DIPK2B: variants seen among roughly 807,000 people sequenced by gnomAD.
DIPK2B encodes the protein UPF0672 protein CXorf36.
DIPK2B carries 15 observed loss-of-function variants against 22.2 expected under a neutral mutation model. The observed-to-expected ratio is 0.68, with a 90% confidence interval of 0.45 to 1.04. DIPK2B has a LOEUF of 1.04. Among genes scored for constraint, DIPK2B ranks in the 50% least tolerant of loss-of-function variants. The pLI is 0.00. For missense variants in DIPK2B, 345 were observed against 348.3 expected (o/e 0.99, Z 0.08); for synonymous variants, 163 against 153.2 (o/e 1.06, Z -0.47).
chrX:45,167,744 G>T (rs1290415335), intron 2 of DIPK2B, among the ~76,000 whole-genome samples: 1 of 110,746 alleles, frequency 9.0e-6, no homozygotes, highest in African/African-American at 3.3e-5. Flanking sequence ...GAGTGCAGTG[G>T]TGTGATCCCA....
In DIPK2B at chrX:45,151,332, A is replaced by T. The variant is rs1390062844; in HGVS notation, c.*320T>A. 1.5e-5 allele frequency: 4 copies of T among 275,025 alleles called. No individual in the cohort carries two copies. Among genetic ancestry groups the T allele is most frequent in the Non-Finnish European group, 2.5e-5 (4 of 157,845 alleles). The allele number at this position is 275,025 out of a possible 1,213,427, so 22.7% of individuals were successfully genotyped here. A position where few individuals can be genotyped will look rare whatever the true frequency, so the allele number is the denominator to read the frequency against. On this transcript the variant is annotated 3_prime_UTR_variant, in exon 5 of 5. Coordinates refer to ENST00000398000, the MANE Select transcript of DIPK2B (RefSeq NM_176819.4). Reference sequence around the variant, plus strand: ...GTCCCAAGACCCATGCTTGGGATATATGCTCAGTGGTGGCTCCATCTGTGT... The same window carrying T: ...GTCCCAAGACCCATGCTTGGGATATTTGCTCAGTGGTGGCTCCATCTGTGT...
intron 2 of DIPK2B, chrX:45,163,719 A>G: frequency 1.3e-6 from 1 of 756,646 alleles, no homozygotes; most frequent in Non-Finnish European, 1.6e-6. Context: ...AGCCAGAGAT[A>G]AGAGAGTTCA....
At chrX:45,178,560 A>G (rs1443334961) in intron 2 of DIPK2B, among the ~76,000 whole-genome samples, 1 of 111,725 alleles carries the variant, frequency 9.0e-6, no homozygotes, top group African/African-American at 3.3e-5. Flanking sequence ...TATTCACACT[A>G]TCTTTTTCCC....
intron 1 of DIPK2B, among the ~76,000 whole-genome samples, chrX:45,193,682 C>T (rs2047223926): frequency 8.9e-6 from 1 of 112,439 alleles, no homozygotes; most frequent in South Asian, 3.7e-4. Flanking sequence ...ATGCAAATTG[C>T]AATGGAAGTA....
chrX:45,169,834 C>T (rs777307263), intron 2 of DIPK2B, among the ~76,000 whole-genome samples: 1 of 112,049 alleles, frequency 8.9e-6, no homozygotes, highest in East Asian at 2.8e-4. Context: ...GAAATCATTT[C>T]AGGCAGAAGG....
intron 2 of DIPK2B, among the ~76,000 whole-genome samples, chrX:45,159,992 T>A (rs146861008): frequency 0.024 from 2,694 of 110,339 alleles, 88 homozygotes; most frequent in African/African-American, 0.084. Context: ...ATCCCCAGTG[T>A]TGGAGGTGGG....
At chrX:45,152,729 G>T (rs1210916589) in intron 4 of DIPK2B, among the ~76,000 whole-genome samples, 1 of 110,903 alleles carries the variant, frequency 9.0e-6, no homozygotes, top group African/African-American at 3.3e-5. Context: ...TCAGGAGTTC[G>T]AGACCAGCCT....
At chrX:45,169,979 C>T (rs973572400) in intron 2 of DIPK2B, among the ~76,000 whole-genome samples, 38 of 110,913 alleles carry the variant, frequency 3.4e-4, no homozygotes, top group Non-Finnish European at 7.6e-5. Flanking sequence ...CGCGGTGGCT[C>T]ACGTCTGTAA....
In DIPK2B at chrX:45,154,151, G is replaced by A. The variant is rs1488411659; in HGVS notation, c.720C>T (p.Ser240=). 7 of 1,207,755 alleles carry A rather than the reference G, an allele frequency of 5.8e-6. No individual in the cohort carries two copies. The highest frequency in any genetic ancestry group is 1.8e-5 in the African/African-American group (1 of 56,682). Reference sequence around the variant, plus strand: ...TGGTGCTGACGAGGAATCTGCCACAGGAGCCCAGGTACTTGGGCAGCGGCC... The same window carrying A: ...TGGTGCTGACGAGGAATCTGCCACAAGAGCCCAGGTACTTGGGCAGCGGCC... The part of the protein sequence containing the change: ...EGWPLPKYLG[S]CGRFLVSTST... The change falls in exon 4 of 5, where the codon TCC becomes TCT. Residue 240 remains serine (S), a synonymous_variant. Coordinates refer to ENST00000398000, the MANE Select transcript of DIPK2B (RefSeq NM_176819.4).
rs1216108305 is a variant in DIPK2B at position 45,185,683 on chromosome X, C to T, written c.498+6068G>A. On this transcript the variant is annotated intron_variant, in intron 2 of 4. Coordinates refer to ENST00000398000, the MANE Select transcript of DIPK2B (RefSeq NM_176819.4). Reference sequence around the variant, plus strand: ...TTTTTTTTTTTTTGAGATGGAGTCTCGCTCTGTTGCCCAGGCTGGAGTGCA... The same window carrying T: ...TTTTTTTTTTTTTGAGATGGAGTCTTGCTCTGTTGCCCAGGCTGGAGTGCA... Among the ~76,000 whole-genome samples, 6 of 96,331 alleles carry T rather than the reference C, an allele frequency of 6.2e-5. No homozygotes were observed. The East Asian group carries it at 1.3e-3, about 21-fold the overall frequency. The allele number at this position is 96,331 out of a possible 115,157, so 83.7% of individuals were successfully genotyped here. A position where few individuals can be genotyped will look rare whatever the true frequency, so the allele number is the denominator to read the frequency against.
chrX:45,166,744 A>G (rs774004800), intron 2 of DIPK2B, among the ~76,000 whole-genome samples: 6 of 112,386 alleles, frequency 5.3e-5, no homozygotes, highest in Non-Finnish European at 1.1e-4. Flanking sequence ...GAAAAAAAGA[A>G]CATGAACTCC....
chrX:45,174,093 C>T (rs770794474), intron 2 of DIPK2B, among the ~76,000 whole-genome samples: 62 of 111,638 alleles, frequency 5.6e-4, no homozygotes, highest in African/African-American at 1.9e-3. Context: ...CCGGAAAGGC[C>T]TGAGCTGAGA....
chrX:45,171,622 C>T (rs1209293305), intron 2 of DIPK2B, among the ~76,000 whole-genome samples: 2 of 111,762 alleles, frequency 1.8e-5, no homozygotes, highest in Non-Finnish European at 3.8e-5. Context: ...CTCACTTCCA[C>T]GTCTTTGCCC....
chrX:45,187,754 G>A (rs139811934), intron 2 of DIPK2B, among the ~76,000 whole-genome samples: 4,300 of 111,049 alleles, frequency 0.039, 87 homozygotes, highest in Non-Finnish European at 0.06. Context: ...CCCCTGAACC[G>A]GCCAGATCCC....
chrX:45,164,242 T>G lies in DIPK2B; in HGVS notation c.499-6354A>C, dbSNP rs375902907. On this transcript the variant is annotated intron_variant, in intron 2 of 4. Coordinates refer to ENST00000398000, the MANE Select transcript of DIPK2B (RefSeq NM_176819.4). ...GAACTTTAGTTCTCTCTGGCCCTGG[T>G]GACAGTCCTGAAAATTTAAAATGAT... 3 of 1,197,834 alleles carry G rather than the reference T, an allele frequency of 2.5e-6. No homozygotes were observed. The African/African-American group carries it at 5.3e-5, about 21-fold the overall frequency.
intron 2 of DIPK2B, among the ~76,000 whole-genome samples, chrX:45,188,724 A>G (rs2047196109): frequency 8.9e-6 from 1 of 112,151 alleles, no homozygotes; most frequent in Admixed American, 9.4e-5. Flanking sequence ...TCCTGTACCC[A>G]TTAAACAGTC....
chrX:45,184,174 T>A (rs1314837784), intron 2 of DIPK2B, among the ~76,000 whole-genome samples: 3 of 111,157 alleles, frequency 2.7e-5, no homozygotes, highest in Non-Finnish European at 5.7e-5. Context: ...AAGCCAGGAT[T>A]TAGGAGCTGC....
At chrX:45,155,431 A>AGT (rs34203440) in intron 3 of DIPK2B, among the ~76,000 whole-genome samples, 1 of 96,413 alleles carries the variant, frequency 1.0e-5, no homozygotes, top group African/African-American at 3.7e-5. Flanking sequence ...TCAAAAAAAA[A>AGT]ATATATATAT....
In DIPK2B at chrX:45,151,644, C is replaced by G. The variant is rs1411668495; in HGVS notation, c.*8G>C. The G allele has an allele frequency of 1.7e-6, 2 of 1,203,380 alleles. No homozygotes were observed. Among genetic ancestry groups the G allele is most frequent in the Non-Finnish European group, 1.1e-6 (1 of 889,979 alleles). ...TGTTGTCCCCAAGGCCAGCTAGACA[C>G]CAGCCCTTCAGAACTTATCGTTATA... On this transcript the variant is annotated 3_prime_UTR_variant, in exon 5 of 5. Transcript: ENST00000398000.
Sources: allele counts gnomAD v4.1 joint callset (sites outside exome capture counted in the v4.1 genomes callset), GRCh38; gene constraint gnomAD v4.1.1; transcripts MANE v1.5; gene names NCBI Gene and HGNC (gene_info 2026-07-23, HGNC 2026-07-21).